The following ARHGEF26 variants were observed in gnomAD, a reference collection of about 807,000 sequenced individuals.
ARHGEF26 encodes the protein Rho guanine nucleotide exchange factor 26, also known as Rho guanine nucleotide exchange factor (GEF) 26.
In ARHGEF26, 59 loss-of-function variants were observed where a neutral mutation model predicts 89.4. The observed-to-expected ratio is 0.66, with a 90% CI of 0.54 to 0.82. The LOEUF is 0.82. Ranked by LOEUF, ARHGEF26 falls within the 40% of genes least tolerant of loss-of-function variation. The pLI, the probability that ARHGEF26 is intolerant of heterozygous loss-of-function variation, is 0.00. For missense variants in ARHGEF26, 1,234 were observed against 1,085.6 expected, an observed-to-expected ratio of 1.14 and a Z score of -1.92; for synonymous variants, 500 against 428.4, an observed-to-expected ratio of 1.17 and a Z score of -2.06.
intron 11 of ARHGEF26, among the ~76,000 whole-genome samples, chr3:154,231,787 C>G (rs1716837752): frequency 1.3e-5 from 2 of 152,128 alleles, no homozygotes; most frequent in African/African-American, 4.8e-5. Context: ...AACTCTATGC[C>G]TTTCCCTCCT....
chr3:154,170,167 G>A (rs1712333344), intron 6 of ARHGEF26, among the ~76,000 whole-genome samples: 1 of 151,856 alleles, frequency 6.6e-6, no homozygotes, highest in Admixed American at 6.6e-5. Context: ...TTCAAGACCA[G>A]CCTGGGCGAC....
At chr3:154,201,064 G>A (rs1350814358) in intron 9 of ARHGEF26, among the ~76,000 whole-genome samples, 3 of 151,674 alleles carry the variant, frequency 2.0e-5, no homozygotes, top group Non-Finnish European at 2.9e-5. Flanking sequence ...GGTTTGTTAC[G>A]TATGTGTATA....
Position 154,152,804 on chromosome 3 carries a change from A to G in ARHGEF26, c.1359A>G (p.Ser453=), listed in dbSNP as rs1325263248. The change falls in exon 6 of 15, where the codon TCA becomes TCG. Residue 453 remains serine, a synonymous_variant. Transcript: ENST00000465093. ...AIFEVISSEH[S]YLLSLEILIR... ...TTGAAGTCATATCCTCTGAACATTCATATTTACTCAGCTTGGAGATCTTGA... is the reference window on the plus strand; with the variant it reads ...TTGAAGTCATATCCTCTGAACATTCGTATTTACTCAGCTTGGAGATCTTGA... 5.8e-6 allele frequency: 9 copies of G among 1,555,384 alleles called. No homozygotes were observed. In the East Asian group the frequency reaches 1.2e-4, roughly 20 times the overall value.
chr3:154,154,748 A>G (rs1378730061), intron 6 of ARHGEF26, among the ~76,000 whole-genome samples: 3 of 152,028 alleles, frequency 2.0e-5, no homozygotes, highest in African/African-American at 7.2e-5. Flanking sequence ...ATAGTAGTTT[A>G]TGGAGATGTT....
intron 9 of ARHGEF26, among the ~76,000 whole-genome samples, chr3:154,205,010 A>G (rs545151608): frequency 7.2e-5 from 11 of 152,292 alleles, no homozygotes; most frequent in Middle Eastern, 6.8e-3. Flanking sequence ...GTAAATATCT[A>G]TTAGATCCAT....
At chr3:154,222,832 G>T (rs1206159002) in intron 10 of ARHGEF26, among the ~76,000 whole-genome samples, 1 of 152,190 alleles carries the variant, frequency 6.6e-6, no homozygotes, top group African/African-American at 2.4e-5. Flanking sequence ...CCAGGAGGGA[G>T]AGAATACTAA....
intron 6 of ARHGEF26, among the ~76,000 whole-genome samples, chr3:154,165,377 C>CT (rs1382764751): frequency 1.3e-5 from 2 of 152,070 alleles, no homozygotes; most frequent in Non-Finnish European, 2.9e-5. Flanking sequence ...GAGAGAGACA[C>CT]TAAGTGATTT....
At chr3:154,220,761 G>T (rs985324987) in intron 10 of ARHGEF26, among the ~76,000 whole-genome samples, 3 of 151,988 alleles carry the variant, frequency 2.0e-5, no homozygotes, top group Non-Finnish European at 4.4e-5. Context: ...ATGGGGAAAG[G>T]CTTTTCCAAC....
At chr3:154,203,844 ATC>A (rs1480708887) in intron 9 of ARHGEF26, among the ~76,000 whole-genome samples, 1 of 147,160 alleles carries the variant, frequency 6.8e-6, no homozygotes, top group African/African-American at 2.5e-5. Context: ...GGCCATGATA[ATC>A]TCTCTTTTTT....
chr3:154,162,789 A>G (rs963195754), intron 6 of ARHGEF26, among the ~76,000 whole-genome samples: 1 of 152,194 alleles, frequency 6.6e-6, no homozygotes, highest in Non-Finnish European at 1.5e-5. Flanking sequence ...GGCTCTGGCC[A>G]GGTGTGACCC....
At chr3:154,246,221 A>C (rs1324478956) in intron 12 of ARHGEF26, among the ~76,000 whole-genome samples, 2 of 152,174 alleles carry the variant, frequency 1.3e-5, no homozygotes, top group Admixed American at 1.3e-4. Flanking sequence ...AACCCTTAGG[A>C]AAATGCAGAG....
intron 11 of ARHGEF26, among the ~76,000 whole-genome samples, chr3:154,239,212 A>C (rs192705286): frequency 6.1e-4 from 91 of 149,092 alleles, no homozygotes; most frequent in Middle Eastern, 3.5e-3. Flanking sequence ...AGGAGACTTC[A>C]AGAAAGAAGT....
chr3:154,173,845 T>C (rs1277167661), intron 6 of ARHGEF26, among the ~76,000 whole-genome samples: 2 of 152,194 alleles, frequency 1.3e-5, no homozygotes, highest in African/African-American at 4.8e-5. Flanking sequence ...CTCAGTTTGT[T>C]TCTAAATAAA....
chr3:154,256,895 T>A lies in ARHGEF26; in HGVS notation c.*1422T>A. The A allele has an allele frequency of 6.5e-7, 1 of 1,535,252 alleles. No individual in the cohort carries two copies. The highest frequency in any genetic ancestry group is 8.7e-7 in the Non-Finnish European group (1 of 1,146,682). ...CACAGAGAGAGAAAGGTTATCTTAA[T>A]AGTCGGTTTCATGGAGATGAAGGAT... On this transcript the variant is annotated 3_prime_UTR_variant, in exon 15 of 15. Transcript: ENST00000465093.
At chr3:154,121,880 C>G in intron 1 of ARHGEF26, 62 bp from the exon 2 acceptor site, 3 of 1,408,808 alleles carry the variant, frequency 2.1e-6, no homozygotes, top group Non-Finnish European at 2.8e-6. Flanking sequence ...TGGGAGCACG[C>G]GAGTCGGCCA....
At position 154,122,502 on chromosome 3, in the gene ARHGEF26, G is replaced by A. The variant is rs551144229; in HGVS notation, c.510G>A (p.Val170=). 5 of 1,613,144 alleles carry A rather than the reference G, an allele frequency of 3.1e-6. No homozygotes were observed. The African/African-American group carries it at 6.7e-5, about 21-fold the overall frequency. The part of the protein sequence containing the change: ...EDLTGLTASP[V]PSPTANGLAA... ...TTACTGGGTTGACTGCCAGCCCGGT[G>A]CCTTCGCCCACTGCAAATGGCCTTG... Residue 170 remains valine (V), a synonymous_variant, in exon 2 of 15, where the codon GTG becomes GTA. Transcript: ENST00000465093.
intron 9 of ARHGEF26, among the ~76,000 whole-genome samples, chr3:154,208,137 G>C: frequency 6.6e-6 from 1 of 152,148 alleles, no homozygotes; most frequent in Non-Finnish European, 1.5e-5. Context: ...AGAATAGCTA[G>C]TGGATTCTGG....
At chr3:154,254,146 ACCTCGTGATCCGCCTG>A (rs1718332623) in intron 13 of ARHGEF26, among the ~76,000 whole-genome samples, 1 of 152,052 alleles carries the variant, frequency 6.6e-6, no homozygotes, top group Non-Finnish European at 1.5e-5. Context: ...CAATCTCCTG[ACCTCGTGATCCGCCTG>A]CCTCGGCCTC....
chr3:154,194,590 ATT>A, intron 8 of ARHGEF26, 52 bp from the exon 9 acceptor site: 2 of 1,340,892 alleles, frequency 1.5e-6, no homozygotes, highest in Non-Finnish European at 2.1e-6. Context: ...CATTGGTTTT[ATT>A]TTACTTAATA....
Sources: allele counts gnomAD v4.1 joint callset (sites outside exome capture counted in the v4.1 genomes callset), GRCh38; gene constraint gnomAD v4.1.1; transcripts MANE v1.5; gene names NCBI Gene and HGNC (gene_info 2026-07-23, HGNC 2026-07-21).